Variants in TENM3 observed in about 807,000 individuals in gnomAD.
TENM3 encodes teneurin transmembrane protein 3.
TENM3 carries 63 observed loss-of-function variants against 255.1 expected under a neutral mutation model. The ratio of observed to expected loss-of-function variants is 0.25; its 90% confidence interval spans 0.20 to 0.30. The LOEUF is 0.30. TENM3 is among the 10% of genes least tolerant of loss of function. The pLI, the probability that TENM3 is intolerant of heterozygous loss-of-function variation, is 1.00. For missense variants in TENM3, 2,929 were observed against 3,461.1 expected, an observed-to-expected ratio of 0.85 and a Z score of 3.86; for synonymous variants, 1,306 against 1,322.3, an observed-to-expected ratio of 0.99 and a Z score of 0.27.
chr4:181,560,921 T>C, the TENM3 span, among the ~76,000 whole-genome samples: 22,883 of 152,158 alleles, frequency 0.15, 2,228 homozygotes, highest in African/African-American at 0.28. Context: ...GGAGGAAGGC[T>C]GTGACTTCCC....
At chr4:182,675,884 T>A (rs1028101246) in intron 7 of TENM3, among the ~76,000 whole-genome samples, 1 of 152,234 alleles carries the variant, frequency 6.6e-6, no homozygotes, top group African/African-American at 2.4e-5. Context: ...TTTCTCATAA[T>A]CCTTCTAGTA....
chr4:181,684,464 A>C, the TENM3 span, among the ~76,000 whole-genome samples: 71,907 of 152,008 alleles, frequency 0.47, 18,526 homozygotes, highest in Admixed American at 0.57. Context: ...TCTTGAGAAT[A>C]TGTTTGTGTG....
chr4:182,330,240 C>T (rs993630925), intron 2 of TENM3, among the ~76,000 whole-genome samples: 1 of 152,134 alleles, frequency 6.6e-6, no homozygotes, highest in Non-Finnish European at 1.5e-5. Flanking sequence ...ACACAAGAAC[C>T]TTTATAAGGA....
the TENM3 span, among the ~76,000 whole-genome samples, chr4:181,602,565 A>G: frequency 6.6e-6 from 1 of 152,212 alleles, no homozygotes; most frequent in African/African-American, 2.4e-5. Context: ...AATATCTGTC[A>G]AAAGCCATCT....
At chr4:181,510,202 C>T in the TENM3 span, among the ~76,000 whole-genome samples, 1 of 152,182 alleles carries the variant, frequency 6.6e-6, no homozygotes, top group Non-Finnish European at 1.5e-5. Context: ...TGGCAGTTAA[C>T]TTTCACAGCA....
the TENM3 span, among the ~76,000 whole-genome samples, chr4:181,820,935 A>G: frequency 1.5e-4 from 23 of 152,188 alleles, no homozygotes; most frequent in Non-Finnish European, 2.8e-4. Flanking sequence ...GCTCAGATGT[A>G]AGTGTCTATG....
chr4:182,659,824 C>A (rs192950855), intron 6 of TENM3, among the ~76,000 whole-genome samples: 1 of 152,284 alleles, frequency 6.6e-6, no homozygotes, highest in East Asian at 1.9e-4. Flanking sequence ...AAATGACTTA[C>A]AAGGCTCTCC....
At chr4:181,817,868 G>C in the TENM3 span, among the ~76,000 whole-genome samples, 4 of 152,306 alleles carry the variant, frequency 2.6e-5, no homozygotes, top group African/African-American at 9.6e-5. Context: ...TCAGTCTGCT[G>C]TATCCTGTTA....
chr4:182,590,568 G>GAA (rs1421733968), intron 3 of TENM3, among the ~76,000 whole-genome samples: 7 of 118,504 alleles, frequency 5.9e-5, no homozygotes, highest in African/African-American at 2.1e-4. Context: ...AAAAGAAAAA[G>GAA]AAAAAGGTGG....
chr4:182,430,344 CA>C (rs1414732102), intron 3 of TENM3, among the ~76,000 whole-genome samples: 1 of 151,702 alleles, frequency 6.6e-6, no homozygotes, highest in African/African-American at 2.4e-5. Context: ...GTCAGGACAT[CA>C]AGACCATCCT....
At chr4:181,452,014 G>C in the TENM3 span, among the ~76,000 whole-genome samples, 1 of 152,072 alleles carries the variant, frequency 6.6e-6, no homozygotes, top group African/African-American at 2.4e-5. Context: ...AGGAAAACCT[G>C]GAGAGTCGGC....
chr4:182,116,030 A>G, the TENM3 span, among the ~76,000 whole-genome samples: 1 of 150,604 alleles, frequency 6.6e-6, no homozygotes, highest in Non-Finnish European at 1.5e-5. Flanking sequence ...ATGAACCTAC[A>G]TTGATGACAC....
the TENM3 span, among the ~76,000 whole-genome samples, chr4:181,479,917 G>A: frequency 5.3e-5 from 8 of 152,072 alleles, no homozygotes; most frequent in East Asian, 1.2e-3. Flanking sequence ...AAAATTTTCA[G>A]TTCTATGCCG....
At chr4:182,651,280 G>C (rs1434959676) in intron 5 of TENM3, among the ~76,000 whole-genome samples, 2 of 151,950 alleles carry the variant, frequency 1.3e-5, no homozygotes, top group African/African-American at 4.8e-5. Flanking sequence ...TGTGATAAGT[G>C]TTTAGCAAGT....
the TENM3 span, among the ~76,000 whole-genome samples, chr4:181,585,547 C>T: frequency 5.9e-5 from 9 of 152,262 alleles, no homozygotes; most frequent in Admixed American, 2.6e-4. Context: ...ACTTTCCCTC[C>T]GGCAAGGCAA....
chr4:181,466,431 A>T, the TENM3 span, among the ~76,000 whole-genome samples: 1 of 152,102 alleles, frequency 6.6e-6, no homozygotes, highest in Non-Finnish European at 1.5e-5. Context: ...TTTAAGGGTG[A>T]TGTTGTCCTA....
the TENM3 span, among the ~76,000 whole-genome samples, chr4:181,818,284 G>A: frequency 6.6e-6 from 1 of 152,190 alleles, no homozygotes; most frequent in Non-Finnish European, 1.5e-5. Flanking sequence ...TGAAGTACGG[G>A]AGATTATTTT....
chr4:182,354,682 A>T (rs999036612), intron 3 of TENM3, among the ~76,000 whole-genome samples: 1 of 152,186 alleles, frequency 6.6e-6, no homozygotes, highest in African/African-American at 2.4e-5. Flanking sequence ...AAATTTTCTT[A>T]TATTTATCAG....
At chr4:181,656,861 G>A in the TENM3 span, among the ~76,000 whole-genome samples, 1 of 152,200 alleles carries the variant, frequency 6.6e-6, no homozygotes, top group South Asian at 2.1e-4. Flanking sequence ...AGCTAAAATA[G>A]ATTTGAGCTT....
Sources: gnomAD v4.1 joint callset for allele counts (sites outside exome capture counted in the v4.1 genomes callset) on GRCh38, gnomAD v4.1.1 for gene constraint, MANE v1.5 for transcripts, NCBI Gene and HGNC (gene_info 2026-07-23, HGNC 2026-07-21) for gene names.